PDZD2: variants seen among roughly 807,000 people sequenced by gnomAD.
The protein encoded by PDZD2 is PDZ domain-containing protein 2.
PDZD2 carries 90 observed loss-of-function variants against 220.7 expected under a neutral mutation model. That is an observed-to-expected ratio of 0.41 (90% confidence interval 0.34 to 0.49). The LOEUF is 0.49. Among genes scored for constraint, PDZD2 ranks in the 20% least tolerant of loss-of-function variants. The pLI, the probability that PDZD2 is intolerant of heterozygous loss-of-function variation, is 0.28. For synonymous variants in PDZD2, 1,375 were observed against 1,450.5 expected, an observed-to-expected ratio of 0.95 and a Z score of 1.18; for missense variants, 3,174 against 3,608.5, an observed-to-expected ratio of 0.88 and a Z score of 3.08.
At chr5:31,948,390 C>G (rs975659700) in intron 2 of PDZD2, among the ~76,000 whole-genome samples, 1 of 152,090 alleles carries the variant, frequency 6.6e-6, no homozygotes, top group Admixed American at 6.6e-5. Flanking sequence ...ACCTTGTTTT[C>G]CAGACTAGAT....
At chr5:32,046,008 A>T (rs970072541) in intron 7 of PDZD2, among the ~76,000 whole-genome samples, 1 of 152,202 alleles carries the variant, frequency 6.6e-6, no homozygotes, top group Non-Finnish European at 1.5e-5. Flanking sequence ...TACCTAGTCT[A>T]GGTGATGAAC....
At chr5:31,774,987 A>G (rs1561449167) in intron 1 of PDZD2, among the ~76,000 whole-genome samples, 1 of 152,194 alleles carries the variant, frequency 6.6e-6, no homozygotes, top group Non-Finnish European at 1.5e-5. Flanking sequence ...GCTGGTTTCA[A>G]AGTATCAACA....
chr5:31,950,594 G>A (rs1330728905), intron 2 of PDZD2, among the ~76,000 whole-genome samples: 5 of 152,038 alleles, frequency 3.3e-5, no homozygotes, highest in South Asian at 2.1e-4. Context: ...AAATTAAATG[G>A]AGTTACATTC....
intron 1 of PDZD2, among the ~76,000 whole-genome samples, chr5:31,742,491 A>G (rs1475364142): frequency 2.7e-5 from 4 of 145,898 alleles, no homozygotes; most frequent in African/African-American, 1.0e-4. Flanking sequence ...GGAGCCCATC[A>G]CTATTAGGGG....
chr5:31,755,514 C>G (rs1751255901), intron 1 of PDZD2, among the ~76,000 whole-genome samples: 1 of 152,134 alleles, frequency 6.6e-6, no homozygotes, highest in Non-Finnish European at 1.5e-5. Context: ...TCTCTCTCTC[C>G]TCGAATGAGT....
intron 1 of PDZD2, among the ~76,000 whole-genome samples, chr5:31,780,744 A>G (rs1040865319): frequency 2.0e-5 from 3 of 152,096 alleles, no homozygotes; most frequent in Non-Finnish European, 2.9e-5. Context: ...CAGGAAGGAT[A>G]TTCAGTGGTT....
At position 32,074,560 on chromosome 5, in the gene PDZD2, C is replaced by T. The variant is rs1345684620; in HGVS notation, c.3454C>T (p.Pro1152Ser). Residue 1152 changes from proline to serine, a missense_variant, in exon 18 of 25, where the codon CCA (proline) becomes TCA (serine). This residue lies in a region of PDZD2 where 1,861 missense variants were observed against 2,001.0 expected (regional missense o/e 0.93). Coordinates refer to ENST00000438447, the MANE Select transcript of PDZD2 (RefSeq NM_178140.4). ...GAACCTGACTGGCAGAGCCAATGAT[C>T]CATGCGATCTGGACTCGAGAGTCCA... is the stretch of plus-strand genomic sequence containing the variant. ...TVNLTGRAND[P>S]CDLDSRVQAT... 6.2e-7 allele frequency: 1 copy of T among 1,613,934 alleles called. No homozygotes were observed. Among genetic ancestry groups the T allele is most frequent in the Non-Finnish European group, 8.5e-7 (1 of 1,179,990 alleles).
chr5:31,806,994 G>C (rs1431842583), intron 2 of PDZD2, among the ~76,000 whole-genome samples: 1 of 150,408 alleles, frequency 6.6e-6, no homozygotes, highest in Non-Finnish European at 1.5e-5. Context: ...GAGTGCAACG[G>C]CGCGATCTCG....
intron 1 of PDZD2, among the ~76,000 whole-genome samples, chr5:31,683,237 A>AAG: frequency 6.6e-6 from 1 of 151,896 alleles, no homozygotes; most frequent in East Asian, 1.9e-4. Context: ...AAAGAAAGAA[A>AAG]AGAAAACGAA....
At chr5:31,878,675 C>T (rs10940975) in intron 2 of PDZD2, among the ~76,000 whole-genome samples, 1 of 150,882 alleles carries the variant, frequency 6.6e-6, no homozygotes, top group Non-Finnish European at 1.5e-5. Context: ...ATTCTCCTGC[C>T]TCAGCCTCCT....
chr5:31,847,340 CAAG>C, intron 2 of PDZD2: 1 of 383,336 alleles, frequency 2.6e-6, no homozygotes, highest in East Asian at 5.4e-5. Context: ...TAGAAGACGA[CAAG>C]AGGGTAAAAC....
At chr5:31,921,874 G>T (rs917213566) in intron 2 of PDZD2, among the ~76,000 whole-genome samples, 1 of 152,142 alleles carries the variant, frequency 6.6e-6, no homozygotes, top group African/African-American at 2.4e-5. Flanking sequence ...AACCAGAGAG[G>T]CTTTGCCCTA....
intron 1 of PDZD2, among the ~76,000 whole-genome samples, chr5:31,740,869 G>A (rs544664537): frequency 1.3e-4 from 20 of 152,194 alleles, no homozygotes; most frequent in South Asian, 1.0e-3. Context: ...CATTGTCCTC[G>A]TAAACTTTTG....
intron 2 of PDZD2, among the ~76,000 whole-genome samples, chr5:31,951,882 G>A (rs1747213720): frequency 6.6e-6 from 1 of 152,202 alleles, no homozygotes; most frequent in Non-Finnish European, 1.5e-5. Flanking sequence ...TTGAAAAAGA[G>A]TATGTATGTT....
Position 32,098,687 on chromosome 5 carries a change from AG to A in PDZD2, c.8218+54del. 6.6e-7 allele frequency: 1 copy of A among 1,514,186 alleles called. No individual in the cohort carries two copies. Among genetic ancestry groups the A allele is most frequent in the Non-Finnish European group, 9.0e-7 (1 of 1,117,094 alleles). 93.8% of individuals were successfully genotyped at this position (1,514,186 alleles called of 1,614,324 possible). A position where few individuals can be genotyped will look rare whatever the true frequency, so the allele number is the denominator to read the frequency against. On this transcript the variant is annotated intron_variant, in intron 23 of 24. Transcript: ENST00000438447. This position sits in a 1 kb window ranked among gnomAD's most constrained non-coding sequence, Gnocchi z 4.1. ...GGCTGTGAGCTACTGCAGAAAGAGG[AG>A]ATTCTGGTTGAACATGAAGGAAAAT...
intron 1 of PDZD2, among the ~76,000 whole-genome samples, chr5:31,749,044 T>A (rs1750769513): frequency 6.6e-6 from 1 of 152,014 alleles, no homozygotes; most frequent in African/African-American, 2.4e-5. Context: ...GGAGCAGCCC[T>A]AAGCTAGCAA....
intron 8 of PDZD2, among the ~76,000 whole-genome samples, chr5:32,050,221 G>A (rs535246552): frequency 9.9e-5 from 15 of 151,924 alleles, no homozygotes; most frequent in African/African-American, 3.1e-4. Context: ...GTGAGCCACC[G>A]TGCCCGGCCT....
At chr5:31,783,809 T>C (rs995356378) in intron 1 of PDZD2, among the ~76,000 whole-genome samples, 1 of 152,202 alleles carries the variant, frequency 6.6e-6, no homozygotes, top group Non-Finnish European at 1.5e-5. Flanking sequence ...TGTGCCTATG[T>C]TGTCTCTAAT....
At chr5:32,063,034 T>C (rs1051369840) in intron 14 of PDZD2, among the ~76,000 whole-genome samples, 1 of 147,898 alleles carries the variant, frequency 6.8e-6, no homozygotes, top group Non-Finnish European at 1.5e-5. Context: ...GAAATATTAT[T>C]ATTATTATTA....
Sources: allele counts gnomAD v4.1 joint callset (sites outside exome capture counted in the v4.1 genomes callset), GRCh38; gene constraint gnomAD v4.1.1; regional missense constraint gnomAD v4.1.1; non-coding constraint Gnocchi (gnomAD v3.1); transcripts MANE v1.5; gene names NCBI Gene and HGNC (gene_info 2026-07-23, HGNC 2026-07-21).